CMIP: variants seen among roughly 807,000 people sequenced by gnomAD.
CMIP encodes the protein c-Maf inducing protein.
In CMIP, 13 loss-of-function variants were observed where a neutral mutation model predicts 97.3. The ratio of observed to expected loss-of-function variants is 0.13; its 90% CI spans 0.09 to 0.21. CMIP has a LOEUF of 0.21. CMIP is among the 10% of genes least tolerant of loss of function. The pLI, the probability that CMIP is intolerant of heterozygous loss-of-function variation, is 1.00. For missense variants in CMIP, 847 were observed against 1,024.9 expected (o/e 0.83, Z 2.37); for synonymous variants, 538 against 436.3 (o/e 1.23, Z -2.91).
intron 10 of CMIP, 31 bp downstream of exon 10, chr16:81,678,659 G>A: frequency 9.2e-7 from 1 of 1,089,614 alleles, no homozygotes; most frequent in Non-Finnish European, 1.4e-6. Context: ...CCCGCCCCCG[G>A]GGCCGGTGGG....
At chr16:81,540,996 G>A (rs1009802331) in intron 1 of CMIP, among the ~76,000 whole-genome samples, 2 of 145,078 alleles carry the variant, frequency 1.4e-5, no homozygotes, top group East Asian at 2.1e-4. Context: ...TTTTTTTTAA[G>A]TTGCATACTT....
chr16:81,579,647 C>G (rs747272025), intron 1 of CMIP, among the ~76,000 whole-genome samples: 17 of 152,204 alleles, frequency 1.1e-4, no homozygotes, highest in Non-Finnish European at 2.4e-4. Flanking sequence ...ACACCTCCCG[C>G]TGAGTGTCAC....
At chr16:81,501,438 C>G (rs1470806585) in intron 1 of CMIP, among the ~76,000 whole-genome samples, 4 of 152,134 alleles carry the variant, frequency 2.6e-5, no homozygotes, top group African/African-American at 9.7e-5. Flanking sequence ...TCCTTGCACT[C>G]CTTCTTACTT....
intron 13 of CMIP, chr16:81,695,779 A>G (rs2151087144): frequency 6.5e-6 from 1 of 152,964 alleles, no homozygotes; most frequent in Admixed American, 6.5e-5. Context: ...AGCTCTGGGA[A>G]GGAATGTGAG....
At chr16:81,473,106 C>T (rs921033336) in intron 1 of CMIP, among the ~76,000 whole-genome samples, 1 of 152,338 alleles carries the variant, frequency 6.6e-6, no homozygotes, top group African/African-American at 2.4e-5. Context: ...AGCCTGCCTG[C>T]GGCCCCTGCC....
intron 2 of CMIP, among the ~76,000 whole-genome samples, chr16:81,615,401 G>A (rs1448584511): frequency 6.9e-6 from 1 of 145,214 alleles, no homozygotes; most frequent in Non-Finnish European, 1.5e-5. Context: ...TGTGTGTGGT[G>A]TATGGTGTGT....
intron 3 of CMIP, among the ~76,000 whole-genome samples, chr16:81,649,341 T>A (rs925111360): frequency 1.3e-5 from 2 of 152,260 alleles, no homozygotes; most frequent in Non-Finnish European, 2.9e-5. Context: ...GAGCTGAGGC[T>A]GGGTGTACCG....
intron 6 of CMIP, among the ~76,000 whole-genome samples, chr16:81,663,119 A>C (rs2092565563): frequency 1.3e-5 from 2 of 151,438 alleles, no homozygotes; most frequent in South Asian, 4.2e-4. Flanking sequence ...AAAAATTTTA[A>C]GGCTATGGCA....
chr16:81,499,210 A>T (rs751647482), intron 1 of CMIP, among the ~76,000 whole-genome samples: 2 of 152,082 alleles, frequency 1.3e-5, no homozygotes, highest in African/African-American at 4.8e-5. Flanking sequence ...AACGTGTCCC[A>T]GCATGGCCAC....
rs79904053 is a variant in CMIP, at chr16:81,653,629, A to G, written c.639+1265A>G. Among the ~76,000 whole-genome samples, 764 of 152,328 alleles carry G rather than the reference A, an allele frequency of 5.0e-3. 2 individuals are homozygous for G. Among genetic ancestry groups the G allele is most frequent in the Non-Finnish European group, 8.1e-3 (552 of 68,018 alleles). On this transcript the variant is annotated intron_variant, in intron 4 of 20. Transcript: ENST00000537098. ...GGAGAAGGGGTCCCTGCTCACCTGT[A>G]GTAAGCCAGGCAGGTGCCAGGTGCC...
At chr16:81,672,184 C>T in intron 9 of CMIP, 114 bp downstream of exon 9, 1 of 618,864 alleles carries the variant, frequency 1.6e-6, no homozygotes, top group South Asian at 2.0e-5. Flanking sequence ...TGGCTGTTTA[C>T]TGGGCAGACC....
At position 81,628,429 on chromosome 16, in the gene CMIP, C is replaced by T. The variant is rs150038413; in HGVS notation, c.477+7503C>T. Among the ~76,000 whole-genome samples, 181 of 152,344 alleles carry T rather than the reference C, an allele frequency of 1.2e-3. No individual in the cohort carries two copies. In the Middle Eastern group the frequency reaches 0.031, roughly 26 times the overall value. On this transcript the variant is annotated intron_variant, in intron 3 of 20. Transcript: ENST00000537098. Reference sequence around the variant, plus strand: ...CCATGATGGACACTTAACTCCTGTCCCATGCATGTGCCAGTGCCTCACTTA... The same window carrying T: ...CCATGATGGACACTTAACTCCTGTCTCATGCATGTGCCAGTGCCTCACTTA...
intron 1 of CMIP, among the ~76,000 whole-genome samples, chr16:81,570,709 CAT>C (rs1338756214): frequency 2.6e-5 from 4 of 152,198 alleles, no homozygotes; most frequent in Non-Finnish European, 4.4e-5. Context: ...TCTCTGTTAA[CAT>C]GTGCTGAAAG....
chr16:81,676,286 G>A (rs932894409), intron 9 of CMIP, among the ~76,000 whole-genome samples: 2 of 151,942 alleles, frequency 1.3e-5, no homozygotes, highest in Non-Finnish European at 2.9e-5. Context: ...CTGCCAACAC[G>A]TTTCGTGGGC....
chr16:81,484,451 G>A (rs907693450), intron 1 of CMIP, among the ~76,000 whole-genome samples: 2 of 152,182 alleles, frequency 1.3e-5, no homozygotes, highest in Non-Finnish European at 2.9e-5. Flanking sequence ...AACGCAGGGT[G>A]TTGCAGGTTG....
intron 1 of CMIP, chr16:81,476,630 T>G (rs1304736634): frequency 2.5e-6 from 1 of 406,292 alleles, no homozygotes; most frequent in African/African-American, 2.1e-5. Flanking sequence ...CTTGTGCAAC[T>G]TGCCTTTTTA....
chr16:81,581,865 G>A (rs73598418), intron 1 of CMIP, among the ~76,000 whole-genome samples: 11,528 of 152,138 alleles, frequency 0.076, 952 homozygotes, highest in African/African-American at 0.2. Context: ...GAGGGGCCTT[G>A]TATTAATCAG....
At chr16:81,703,832 C>G (rs1907707651) in intron 17 of CMIP, 107 bp from the exon 18 acceptor site, 2 of 1,420,768 alleles carry the variant, frequency 1.4e-6, no homozygotes, top group African/African-American at 2.8e-5. Context: ...CCCCCAGGAA[C>G]AGCTCTCTGT....
At chr16:81,529,499 C>T (rs2090192341) in intron 1 of CMIP, among the ~76,000 whole-genome samples, 1 of 152,116 alleles carries the variant, frequency 6.6e-6, no homozygotes, top group South Asian at 2.1e-4. Context: ...GTGTGGTGGA[C>T]AGACTCATGG....
Sources: gnomAD v4.1 joint callset for allele counts (sites outside exome capture counted in the v4.1 genomes callset) on GRCh38, gnomAD v4.1.1 for gene constraint, MANE v1.5 for transcripts, NCBI Gene and HGNC (gene_info 2026-07-23, HGNC 2026-07-21) for gene names.